LSS: variants seen among roughly 807,000 people sequenced by gnomAD.
LSS encodes the protein lanosterol synthase.
LSS carries 90 observed loss-of-function variants against 110.3 expected under a neutral mutation model. The ratio of observed to expected loss-of-function variants is 0.82; its 90% confidence interval spans 0.69 to 0.97. LSS has a LOEUF of 0.97. Ranked by LOEUF, LSS falls within the 50% of genes least tolerant of loss-of-function variation. LSS has a pLI of 0.00. For synonymous variants in LSS, 433 were observed against 400.0 expected, an observed-to-expected ratio of 1.08 and a Z score of -0.98; for missense variants, 927 against 990.0, an observed-to-expected ratio of 0.94 and a Z score of 0.85.
intron 3 of LSS, among the ~76,000 whole-genome samples, chr21:46,223,485 A>G (rs2080301833): frequency 6.6e-6 from 1 of 152,230 alleles, no homozygotes; most frequent in African/African-American, 2.4e-5. Context: ...CTAGTGTTCA[A>G]ACCATCCAGA....
In LSS at chr21:46,190,090, A is replaced by C; in HGVS notation, c.*1014T>G. ...CGGCAGCCGTAGGGGTGCCCTGGGTATATGCCGGGCTCCCAGGGTGCCATA... is the reference window on the plus strand; with the variant it reads ...CGGCAGCCGTAGGGGTGCCCTGGGTCTATGCCGGGCTCCCAGGGTGCCATA... On this transcript the variant is annotated 3_prime_UTR_variant, in exon 22 of 22. Transcript: ENST00000397728. The surrounding 1 kb of genome is among the most constrained non-coding windows in gnomAD (Gnocchi z 4.6). 4.1e-6 allele frequency: 1 copy of C among 245,930 alleles called. No individual in the cohort carries two copies. Among genetic ancestry groups the C allele is most frequent in the Non-Finnish European group, 8.0e-6 (1 of 124,504 alleles). The allele number at this position is 245,930 out of a possible 1,614,324, so 15.2% of individuals were successfully genotyped here.
intron 2 of LSS, among the ~76,000 whole-genome samples, chr21:46,228,191 T>C (rs1024784143): frequency 6.6e-6 from 1 of 152,212 alleles, no homozygotes; most frequent in African/African-American, 2.4e-5. Flanking sequence ...AACTCTCCTA[T>C]AAGTCAAAAA....
At chr21:46,204,820 A>T (rs965762945) in intron 17 of LSS, among the ~76,000 whole-genome samples, 1 of 152,160 alleles carries the variant, frequency 6.6e-6, no homozygotes, top group African/African-American at 2.4e-5. Context: ...TAAGTCCAGC[A>T]TCATCTTAAC....
intron 3 of LSS, among the ~76,000 whole-genome samples, chr21:46,224,157 G>A (rs1444716630): frequency 3.3e-5 from 5 of 152,226 alleles, no homozygotes; most frequent in Admixed American, 2.6e-4. Flanking sequence ...TCTCTGATAT[G>A]CAGAAATAAT....
chr21:46,205,685 G>A, intron 17 of LSS, 151 bp downstream of exon 17: 2 of 620,038 alleles, frequency 3.2e-6, no homozygotes, highest in Non-Finnish European at 5.7e-6. Context: ...TAGGGCATAT[G>A]ACTGGATTCC....
chr21:46,200,252 T>A (rs1019047448), intron 17 of LSS, among the ~76,000 whole-genome samples: 1 of 152,002 alleles, frequency 6.6e-6, no homozygotes, highest in Non-Finnish European at 1.5e-5. Context: ...AACTAATACA[T>A]ATGGAAGGAA....
rs939558776 is a variant in LSS, at chr21:46,225,928, G to A, written c.319+1624C>T. On this transcript the variant is annotated intron_variant, in intron 3 of 21. Coordinates refer to ENST00000397728, the MANE Select transcript of LSS (RefSeq NM_002340.6). ...TGGTAGTGGTCCCCCGGGCCCAGCT[G>A]TCTTTTCTTTCATCTCTCTGTCTTG... 4.6e-5 allele frequency among the ~76,000 whole-genome samples: 7 copies of A among 152,108 alleles called. No homozygotes were observed. In the East Asian group the frequency reaches 1.3e-3, roughly 29 times the overall value.
In LSS at chr21:46,190,217, C is replaced by T. The variant is rs2079789546; in HGVS notation, c.*887G>A. ...ACTACAACTGCTGCCTGCCCCTCAC[C>T]CCTGGTTATGCTCGGCCTCCCCTGT... is the stretch of plus-strand genomic sequence containing the variant. On this transcript the variant is annotated 3_prime_UTR_variant, in exon 22 of 22. Transcript: ENST00000397728. This position sits in a 1 kb window ranked among gnomAD's most constrained non-coding sequence, Gnocchi z 4.6. 4 of 177,648 alleles carry T rather than the reference C, an allele frequency of 2.3e-5. No homozygotes were observed. The South Asian group carries it at 4.3e-4, about 19-fold the overall frequency. 11.0% of individuals were successfully genotyped at this position (177,648 alleles called of 1,614,324 possible).
intron 6 of LSS, among the ~76,000 whole-genome samples, chr21:46,217,801 C>A (rs1569033356): frequency 6.6e-6 from 1 of 152,210 alleles, no homozygotes; most frequent in Non-Finnish European, 1.5e-5. Context: ...CCGTCTCAGT[C>A]CTTCCTCTGC....
rs114451814 is a variant in LSS, at chr21:46,217,992, C to T, written c.648-1468G>A. 9.2e-3 allele frequency among the ~76,000 whole-genome samples: 1,401 copies of T among 152,330 alleles called. 25 individuals carry two copies. The highest frequency in any genetic ancestry group is 0.032 in the African/African-American group (1,322 of 41,568). ...CACCATCCCTGTGCCTCCCCGTCAC[C>T]ACCCAAACTGGCTTCCGGGGTTAAG... On this transcript the variant is annotated intron_variant, in intron 6 of 21. Coordinates refer to ENST00000397728, the MANE Select transcript of LSS (RefSeq NM_002340.6).
At chr21:46,192,566 C>T (rs1334495599) in intron 20 of LSS, 2 of 395,494 alleles carry the variant, frequency 5.1e-6, no homozygotes, top group Admixed American at 5.3e-5. Context: ...GTGCATAGAC[C>T]TGTATGTACA....
rs376781504 is a variant in LSS at position 46,216,437 on chromosome 21, G to A, written c.735C>T (p.Ala245=). ...GGTCTTCCGCGGCACTCAGCCGAAC[G>A]GCGTAGCAGTAGCTCATGGGCAGGT... ...QVYLPMSYCY[A]VRLSAAEDPL... Residue 245 remains alanine (A), a synonymous_variant, in exon 7 of 22, where the codon GCC becomes GCT. Coordinates refer to ENST00000397728, the MANE Select transcript of LSS (RefSeq NM_002340.6). This position sits in a 1 kb window ranked among gnomAD's most constrained non-coding sequence, Gnocchi z 4.2. 1.4e-5 allele frequency: 22 copies of A among 1,613,716 alleles called. No homozygotes were observed. The highest frequency in any genetic ancestry group is 8.0e-5 in the African/African-American group (6 of 74,930).
At chr21:46,222,213 C>T (rs1246948818) in intron 4 of LSS, 1 of 567,816 alleles carries the variant, frequency 1.8e-6, no homozygotes, top group African/African-American at 1.9e-5. Context: ...CTACACCTTC[C>T]CACGCCTGAG....
chr21:46,217,024 A>T (rs2080215628), intron 6 of LSS, among the ~76,000 whole-genome samples: 1 of 152,092 alleles, frequency 6.6e-6, no homozygotes. Flanking sequence ...AGGCTGGTGG[A>T]TCACTTGAGG....
intron 17 of LSS, 111 bp downstream of exon 17, chr21:46,205,725 A>G (rs1179899300): frequency 1.3e-5 from 10 of 755,598 alleles, no homozygotes; most frequent in Admixed American, 2.6e-5. Flanking sequence ...GCATGTTTCC[A>G]TGAGTTTCGC....
intron 17 of LSS, among the ~76,000 whole-genome samples, chr21:46,198,644 A>G (rs1787387871): frequency 6.6e-6 from 1 of 152,162 alleles, no homozygotes; most frequent in South Asian, 2.1e-4. Flanking sequence ...CTACAGAGCT[A>G]CAGGAACCAA....
Position 46,190,835 on chromosome 21 carries a change from C to A in LSS, c.*269G>T, listed in dbSNP as rs563663742. 3 of 473,188 alleles carry A rather than the reference C, an allele frequency of 6.3e-6. No individual in the cohort carries two copies. Among genetic ancestry groups the A allele is most frequent in the African/African-American group, 2.1e-5 (1 of 48,752 alleles). 29.3% of individuals were successfully genotyped at this position (473,188 alleles called of 1,614,324 possible). The stretch of plus-strand genomic sequence containing the variant: ...CCCAGAGGTGGCAGAAGGCGCTGTG[C>A]CTCCTCAGGGGTCACGGCTCCTGTG... On this transcript the variant is annotated 3_prime_UTR_variant, in exon 22 of 22. Coordinates refer to ENST00000397728, the MANE Select transcript of LSS (RefSeq NM_002340.6). This position sits in a 1 kb window ranked among gnomAD's most constrained non-coding sequence, Gnocchi z 4.6.
chr21:46,196,083 C>T, intron 18 of LSS, 119 bp downstream of exon 18: 2 of 1,047,688 alleles, frequency 1.9e-6, no homozygotes, highest in Non-Finnish European at 2.9e-6. Flanking sequence ...TGGCAGCTCA[C>T]TTCCAGAAAC....
Position 46,216,249 on chromosome 21 carries a change from G to T in LSS, c.783+140C>A. 1 of 998,300 alleles carries T rather than the reference G, an allele frequency of 1.0e-6. No homozygotes were observed. Among genetic ancestry groups the T allele is most frequent in the Non-Finnish European group, 1.5e-6 (1 of 656,910 alleles). 61.8% of individuals were successfully genotyped at this position (998,300 alleles called of 1,614,324 possible). ...CACTGTTTATTATAGGATGGAGGAA[G>T]GTGGAGGCTCTGCTCCACAGGGCTC... On this transcript the variant is annotated intron_variant, in intron 7 of 21. Coordinates refer to ENST00000397728, the MANE Select transcript of LSS (RefSeq NM_002340.6). The surrounding 1 kb of genome is among the most constrained non-coding windows in gnomAD (Gnocchi z 4.2).
Sources: allele counts gnomAD v4.1 joint callset (sites outside exome capture counted in the v4.1 genomes callset), GRCh38; gene constraint gnomAD v4.1.1; non-coding constraint Gnocchi (gnomAD v3.1); transcripts MANE v1.5; gene names NCBI Gene and HGNC (gene_info 2026-07-23, HGNC 2026-07-21).